The following ERBB4 variants were observed in gnomAD, a reference collection of about 807,000 sequenced individuals.
ERBB4 encodes erb-b2 receptor tyrosine kinase 4.
A neutral mutation model predicts 158.0 loss-of-function variants in ERBB4; 42 were observed. The ratio of observed to expected loss-of-function variants is 0.27; its 90% CI spans 0.21 to 0.34. The LOEUF (loss-of-function observed/expected upper bound fraction) is 0.34, where lower values mean the gene tolerates loss of function less well. Ranked by LOEUF, ERBB4 falls within the 10% of genes least tolerant of loss-of-function variation. The pLI is 1.00. For synonymous variants in ERBB4, 583 were observed against 558.7 expected, an observed-to-expected ratio of 1.04 and a Z score of -0.61; for missense variants, 1,333 against 1,624.1, an observed-to-expected ratio of 0.82 and a Z score of 3.08.
intron 3 of ERBB4, among the ~76,000 whole-genome samples, chr2:211,886,202 C>T (rs2078796668): frequency 6.6e-6 from 1 of 152,144 alleles, no homozygotes; most frequent in African/African-American, 2.4e-5. Context: ...TCTTAATTCA[C>T]ATTATTAACC....
chr2:212,184,576 C>T (rs1185556017), intron 1 of ERBB4, among the ~76,000 whole-genome samples: 1 of 152,018 alleles, frequency 6.6e-6, no homozygotes, highest in Non-Finnish European at 1.5e-5. Context: ...CATTTTGGAG[C>T]ATCTAGTAAA....
chr2:211,718,640 G>A (rs1289415908), intron 7 of ERBB4, among the ~76,000 whole-genome samples: 1 of 151,978 alleles, frequency 6.6e-6, no homozygotes, highest in Non-Finnish European at 1.5e-5. Context: ...TGGTTGTTTG[G>A]CATCACCATC....
At chr2:211,737,021 T>C (rs944191770) in intron 5 of ERBB4, among the ~76,000 whole-genome samples, 1 of 152,210 alleles carries the variant, frequency 6.6e-6, no homozygotes, top group African/African-American at 2.4e-5. Flanking sequence ...CTTATTATAT[T>C]TGTTGTTACT....
At chr2:211,752,491 G>A (rs1393966064) in intron 4 of ERBB4, among the ~76,000 whole-genome samples, 11 of 119,492 alleles carry the variant, frequency 9.2e-5, no homozygotes, top group Admixed American at 1.8e-4. Flanking sequence ...TACCTAACTG[G>A]AAAAAAAAAA....
chr2:212,492,498 T>C (rs1308715070), intron 1 of ERBB4, among the ~76,000 whole-genome samples: 3 of 151,552 alleles, frequency 2.0e-5, no homozygotes, highest in African/African-American at 7.2e-5. Context: ...CTACATTTAA[T>C]ATTAGGACTG....
chr2:212,518,329 T>G (rs1691955145), intron 1 of ERBB4, among the ~76,000 whole-genome samples: 1 of 151,992 alleles, frequency 6.6e-6, no homozygotes, highest in Non-Finnish European at 1.5e-5. Flanking sequence ...AGTTCTTCCT[T>G]CATAAAGCCG....
chr2:212,403,673 A>C (rs887502004), intron 1 of ERBB4, among the ~76,000 whole-genome samples: 4 of 152,046 alleles, frequency 2.6e-5, no homozygotes, highest in African/African-American at 9.7e-5. Context: ...TGAGATACTA[A>C]AGTAATGAAA....
intron 12 of ERBB4, among the ~76,000 whole-genome samples, chr2:211,692,831 C>T (rs2072873862): frequency 6.6e-6 from 1 of 151,988 alleles, no homozygotes; most frequent in Non-Finnish European, 1.5e-5. Flanking sequence ...TGCAGTCATC[C>T]TCAGGGGGCC....
chr2:212,427,071 C>T (rs2091929719), intron 1 of ERBB4, among the ~76,000 whole-genome samples: 1 of 152,120 alleles, frequency 6.6e-6, no homozygotes, highest in South Asian at 2.1e-4. Flanking sequence ...ATCAATTTGT[C>T]ATTCAATTCC....
intron 1 of ERBB4, among the ~76,000 whole-genome samples, chr2:212,159,195 T>C (rs1372177816): frequency 1.3e-5 from 2 of 151,842 alleles, no homozygotes; most frequent in Non-Finnish European, 2.9e-5. Context: ...TTGCAGATCC[T>C]GATCCTCAGA....
intron 2 of ERBB4, among the ~76,000 whole-genome samples, chr2:212,055,845 G>A (rs2077547769): frequency 1.3e-5 from 2 of 152,216 alleles, no homozygotes; most frequent in South Asian, 2.1e-4. Flanking sequence ...GAGGACAAAA[G>A]CCGAAAATTC....
intron 1 of ERBB4, among the ~76,000 whole-genome samples, chr2:212,177,307 G>A (rs1339893713): frequency 6.6e-6 from 1 of 151,534 alleles, no homozygotes; most frequent in Admixed American, 6.6e-5. Flanking sequence ...CAATTTCTTA[G>A]CGGTTGTGCC....
intron 1 of ERBB4, among the ~76,000 whole-genome samples, chr2:212,256,962 G>T (rs1057130884): frequency 5.9e-5 from 9 of 152,114 alleles, no homozygotes; most frequent in Non-Finnish European, 1.3e-4. Context: ...GTGCAGGTTT[G>T]TTACATGGAT....
At chr2:212,244,453 T>G (rs1330682748) in intron 1 of ERBB4, among the ~76,000 whole-genome samples, 1 of 152,178 alleles carries the variant, frequency 6.6e-6, no homozygotes, top group Non-Finnish European at 1.5e-5. Context: ...AGATCAGAAT[T>G]AACTAAAAAT....
chr2:211,411,410 G>A (rs1473789697), intron 25 of ERBB4, among the ~76,000 whole-genome samples: 1 of 152,154 alleles, frequency 6.6e-6, no homozygotes, highest in Non-Finnish European at 1.5e-5. Flanking sequence ...TGATATCCCT[G>A]TAATTTCCAA....
chr2:212,530,783 A>T (rs7598042), intron 1 of ERBB4, among the ~76,000 whole-genome samples: 4 of 152,094 alleles, frequency 2.6e-5, no homozygotes, highest in Non-Finnish European at 5.9e-5. Context: ...TGGGACCAGG[A>T]GTAAGTAAAG....
intron 19 of ERBB4, among the ~76,000 whole-genome samples, chr2:211,590,104 C>T (rs975016328): frequency 6.6e-6 from 1 of 152,058 alleles, no homozygotes; most frequent in African/African-American, 2.4e-5. Flanking sequence ...ACCACATTTT[C>T]CAGATAATTT....
intron 2 of ERBB4, among the ~76,000 whole-genome samples, chr2:212,004,107 A>G (rs549056181): frequency 6.6e-6 from 1 of 152,190 alleles, no homozygotes; most frequent in Non-Finnish European, 1.5e-5. Flanking sequence ...GAATATTTTT[A>G]TGATAATAGA....
chr2:211,999,380 T>C (rs2076052763), intron 2 of ERBB4, among the ~76,000 whole-genome samples: 1 of 151,850 alleles, frequency 6.6e-6, no homozygotes, highest in Non-Finnish European at 1.5e-5. Flanking sequence ...TAAAACACAG[T>C]AGTGTGAATT....
Sources: gnomAD v4.1 joint callset for allele counts (sites outside exome capture counted in the v4.1 genomes callset) on GRCh38, gnomAD v4.1.1 for gene constraint, MANE v1.5 for transcripts, NCBI Gene and HGNC (gene_info 2026-07-23, HGNC 2026-07-21) for gene names.